The following SBF2 variants were observed in gnomAD, a reference collection of about 807,000 sequenced individuals.
The protein encoded by SBF2 is SET binding factor 2.
A neutral mutation model predicts 225.2 loss-of-function variants in SBF2; 112 were observed. That is an observed-to-expected ratio of 0.50 (90% CI 0.43 to 0.58). The LOEUF (loss-of-function observed/expected upper bound fraction) is 0.58, where lower values mean the gene tolerates loss of function less well. SBF2 is among the 20% of genes least tolerant of loss of function. The pLI is 0.00. For synonymous variants in SBF2, 763 were observed against 773.3 expected (o/e 0.99, Z 0.22); for missense variants, 1,996 against 2,206.2 (o/e 0.90, Z 1.91).
At chr11:9,990,086 G>T (rs1361894447) in intron 12 of SBF2, among the ~76,000 whole-genome samples, 2 of 151,964 alleles carry the variant, frequency 1.3e-5, no homozygotes, top group Non-Finnish European at 2.9e-5. Context: ...ACTCCTTCTA[G>T]TTCTCAAACT....
intron 2 of SBF2, among the ~76,000 whole-genome samples, chr11:10,189,084 T>C (rs1165529903): frequency 6.6e-6 from 1 of 152,212 alleles, no homozygotes; most frequent in Admixed American, 6.5e-5. Context: ...ATCTACAGTA[T>C]CTACCATACA....
At chr11:10,268,516 T>A (rs930881392) in intron 1 of SBF2, among the ~76,000 whole-genome samples, 25 of 152,222 alleles carry the variant, frequency 1.6e-4, no homozygotes, top group African/African-American at 6.0e-4. Flanking sequence ...AATGGTGTCA[T>A]CAGTGGAAAA....
intron 1 of SBF2, among the ~76,000 whole-genome samples, chr11:10,243,308 T>C (rs770993322): frequency 1.1e-4 from 17 of 151,790 alleles, no homozygotes; most frequent in Non-Finnish European, 1.8e-4. Flanking sequence ...TCAAAACTTA[T>C]GGGATGCAGC....
At chr11:9,790,987 T>G (rs1852706063) in intron 33 of SBF2, 1 of 227,160 alleles carries the variant, frequency 4.4e-6, no homozygotes, top group Non-Finnish European at 8.7e-6. Flanking sequence ...AAGAAGTCCA[T>G]GCAGGAGGCA....
chr11:10,018,106 G>A (rs912811979), intron 6 of SBF2, among the ~76,000 whole-genome samples: 8 of 152,058 alleles, frequency 5.3e-5, no homozygotes, highest in African/African-American at 1.7e-4. Flanking sequence ...AATTATGCAA[G>A]GAACAAATAA....
chr11:10,179,444 G>A (rs570198746), intron 2 of SBF2, among the ~76,000 whole-genome samples: 8 of 151,994 alleles, frequency 5.3e-5, no homozygotes, highest in Middle Eastern at 3.4e-3. Context: ...GTCACCTAAT[G>A]TATGGCCTAT....
chr11:9,847,164 T>A, intron 22 of SBF2, 81 bp from the exon 23 acceptor site: 2 of 1,538,980 alleles, frequency 1.3e-6, no homozygotes, highest in South Asian at 2.2e-5. Flanking sequence ...TTCATCAGTC[T>A]CTGCTAGAGA....
chr11:10,189,040 C>T (rs571190635), intron 2 of SBF2, among the ~76,000 whole-genome samples: 7 of 152,294 alleles, frequency 4.6e-5, no homozygotes, highest in South Asian at 2.1e-4. Context: ...TATTTTACCT[C>T]GCACCTTACC....
chr11:10,205,939 C>T (rs1358810022), intron 1 of SBF2, among the ~76,000 whole-genome samples: 1 of 151,858 alleles, frequency 6.6e-6, no homozygotes, highest in Non-Finnish European at 1.5e-5. Context: ...AGAATTCCCT[C>T]CCCAATCCAG....
intron 3 of SBF2, among the ~76,000 whole-genome samples, chr11:10,032,138 A>G (rs1949283902): frequency 6.6e-6 from 1 of 152,222 alleles, no homozygotes; most frequent in Non-Finnish European, 1.5e-5. Context: ...TTATACATAT[A>G]TATTTTACCA....
chr11:10,210,845 T>G (rs1236101477), intron 1 of SBF2, among the ~76,000 whole-genome samples: 2 of 151,764 alleles, frequency 1.3e-5, no homozygotes, highest in Non-Finnish European at 2.9e-5. Flanking sequence ...AAACCCCGTC[T>G]CTGCTGAAAG....
At chr11:10,051,312 ATG>A (rs1212387323) in intron 2 of SBF2, among the ~76,000 whole-genome samples, 5 of 152,182 alleles carry the variant, frequency 3.3e-5, no homozygotes, top group Admixed American at 6.5e-5. Context: ...GAGAAAAAGA[ATG>A]TGAGAGTTTA....
In SBF2 at chr11:9,888,597, C is replaced by T. The variant is rs963568094; in HGVS notation, c.1929+7346G>A. On this transcript the variant is annotated intron_variant, in intron 17 of 39. Transcript: ENST00000256190. ...TAAACCATAACAACTTGACTTTGCC[C>T]CCTCTAAGCCAAAACTTAATGAAGT... 3.3e-5 allele frequency among the ~76,000 whole-genome samples: 5 copies of T among 152,022 alleles called. No homozygotes were observed. In the South Asian group the frequency reaches 1.0e-3, roughly 32 times the overall value.
At chr11:10,189,977 C>G (rs1957098885) in intron 2 of SBF2, among the ~76,000 whole-genome samples, 1 of 152,042 alleles carries the variant, frequency 6.6e-6, no homozygotes, top group African/African-American at 2.4e-5. Flanking sequence ...CATGGTGAAA[C>G]CCTGTCTCTA....
At chr11:9,797,075 C>T (rs983788346) in intron 32 of SBF2, among the ~76,000 whole-genome samples, 1 of 152,158 alleles carries the variant, frequency 6.6e-6, no homozygotes, top group Admixed American at 6.6e-5. Context: ...ATTGTACTTG[C>T]TCAAAAGCTG....
chr11:9,935,667 T>G (rs1165051683), intron 16 of SBF2, among the ~76,000 whole-genome samples: 2 of 152,116 alleles, frequency 1.3e-5, no homozygotes, highest in Non-Finnish European at 2.9e-5. Context: ...TCTACAACCA[T>G]CTGATCTTTG....
chr11:9,972,241 A>C (rs534919562), intron 13 of SBF2, among the ~76,000 whole-genome samples: 71 of 152,246 alleles, frequency 4.7e-4, no homozygotes, highest in African/African-American at 1.6e-3. Context: ...CTGTTACAGT[A>C]AAGCTGTTAG....
chr11:9,825,437 C>G (rs1855007971), intron 28 of SBF2, among the ~76,000 whole-genome samples: 1 of 152,114 alleles, frequency 6.6e-6, no homozygotes, highest in South Asian at 2.1e-4. Context: ...TTTAAGCCAC[C>G]CAATTTGTGG....
chr11:10,068,461 G>C (rs1315932639), intron 2 of SBF2, among the ~76,000 whole-genome samples: 1 of 152,080 alleles, frequency 6.6e-6, no homozygotes, highest in African/African-American at 2.4e-5. Context: ...TCATTATTCA[G>C]ACTCTAGCAC....
Sources: allele counts gnomAD v4.1 joint callset (sites outside exome capture counted in the v4.1 genomes callset), GRCh38; gene constraint gnomAD v4.1.1; transcripts MANE v1.5; gene names NCBI Gene and HGNC (gene_info 2026-07-23, HGNC 2026-07-21).